BMP7: variants seen among roughly 807,000 people sequenced by gnomAD.
BMP7 encodes the protein osteogenic protein 1.
BMP7 carries 12 observed loss-of-function variants against 41.2 expected under a neutral mutation model. That is an observed-to-expected ratio of 0.29 (90% confidence interval 0.19 to 0.47). BMP7 has a LOEUF of 0.47. BMP7 is among the 20% of genes least tolerant of loss of function. The pLI is 0.99. For missense variants in BMP7, 467 were observed against 606.0 expected, an observed-to-expected ratio of 0.77 and a Z score of 2.41; for synonymous variants, 248 against 250.0, an observed-to-expected ratio of 0.99 and a Z score of 0.07.
rs1466667721 is a variant in BMP7 at position 57,174,901 on chromosome 20, C to T, written c.1035+30G>A. On this transcript the variant is annotated intron_variant, in intron 5 of 6. Coordinates refer to ENST00000395863, the MANE Select transcript of BMP7 (RefSeq NM_001719.3). This position sits in a 1 kb window ranked among gnomAD's most constrained non-coding sequence, Gnocchi z 4.3. ...GTGGGAGCCCACGCCAGAGGGCCCA[C>T]ACCCAAGACAGACCCAGCCAGCCCC... 6.2e-7 allele frequency: 1 copy of T among 1,603,180 alleles called. No individual in the cohort carries two copies. Among genetic ancestry groups the T allele is most frequent in the South Asian group, 1.1e-5 (1 of 89,986 alleles).
In BMP7 at chr20:57,228,816, A is replaced by G. The variant is rs957315223; in HGVS notation, c.419-395T>C. Among the ~76,000 whole-genome samples, 1 of 152,228 alleles carries G rather than the reference A, an allele frequency of 6.6e-6. No individual in the cohort carries two copies. Among genetic ancestry groups the G allele is most frequent in the Non-Finnish European group, 1.5e-5 (1 of 68,034 alleles). On this transcript the variant is annotated intron_variant, in intron 1 of 6. Transcript: ENST00000395863. The surrounding 1 kb of genome is among the most constrained non-coding windows in gnomAD (Gnocchi z 4.5). The stretch of plus-strand genomic sequence containing the variant: ...GAAAACCTCTATGGAACCCAATTTC[A>G]TCATCTAAAAAATGGGGATTGTAAT...
At chr20:57,231,758 C>T (rs967912493) in intron 1 of BMP7, among the ~76,000 whole-genome samples, 1 of 152,210 alleles carries the variant, frequency 6.6e-6, no homozygotes, top group Non-Finnish European at 1.5e-5. Context: ...AGTGGCTCCC[C>T]GCAAACCTCA....
Position 57,254,017 on chromosome 20 carries a change from C to CTTTTTTTTT in BMP7, c.418+11679_418+11687dup, listed in dbSNP as rs35180643. 2.7e-4 allele frequency among the ~76,000 whole-genome samples: 19 copies of CTTTTTTTTT among 71,536 alleles called. 2 individuals carry two copies. Among genetic ancestry groups the CTTTTTTTTT allele is most frequent in the African/African-American group, 7.5e-4 (12 of 16,082 alleles). The allele number at this position is 71,536 out of a possible 152,430, so 46.9% of individuals were successfully genotyped here. A position where few individuals can be genotyped will look rare whatever the true frequency, so the allele number is the denominator to read the frequency against. On this transcript the variant is annotated intron_variant, in intron 1 of 6. Coordinates refer to ENST00000395863, the MANE Select transcript of BMP7 (RefSeq NM_001719.3). Reference sequence around the variant, plus strand: ...ATTGTATTTTCTTTTGGTTTCTTTCCTTTTTTTTTTTTTTTTTTTTTTTTT... The same window carrying CTTTTTTTTT: ...ATTGTATTTTCTTTTGGTTTCTTTCCTTTTTTTTTTTTTTTTTTTTTTTTTTTTTTTTTT...
intron 2 of BMP7, among the ~76,000 whole-genome samples, chr20:57,212,619 C>T (rs896446535): frequency 2.0e-5 from 3 of 152,258 alleles, no homozygotes; most frequent in African/African-American, 4.8e-5. Flanking sequence ...GAGAGCGAGC[C>T]AGCGAGCATG....
intron 3 of BMP7, among the ~76,000 whole-genome samples, chr20:57,186,282 G>A (rs1480246979): frequency 6.6e-6 from 1 of 152,192 alleles, no homozygotes; most frequent in Non-Finnish European, 1.5e-5. Flanking sequence ...AGACGCTTGG[G>A]CAGGAAGAAT....
chr20:57,259,206 C>T lies in BMP7; in HGVS notation c.418+6499G>A, dbSNP rs1015768501. On this transcript the variant is annotated intron_variant, in intron 1 of 6. Coordinates refer to ENST00000395863, the MANE Select transcript of BMP7 (RefSeq NM_001719.3). The surrounding 1 kb of genome is among the most constrained non-coding windows in gnomAD (Gnocchi z 4.7). ...AACTTCCGTTACACGGCAGTGAAGC[C>T]CCCAATCCCCCACCCCATATATCAC... 1.3e-5 allele frequency among the ~76,000 whole-genome samples: 2 copies of T among 152,118 alleles called. No individual in the cohort carries two copies. The highest frequency in any genetic ancestry group is 1.9e-4 in the East Asian group (1 of 5,190).
chr20:57,244,700 G>A (rs1468067952), intron 1 of BMP7, among the ~76,000 whole-genome samples: 2 of 152,216 alleles, frequency 1.3e-5, no homozygotes, highest in East Asian at 3.9e-4. Flanking sequence ...CCACCAGGGA[G>A]GGCAGCAGAG....
intron 4 of BMP7, among the ~76,000 whole-genome samples, chr20:57,177,118 G>T (rs191760332): frequency 6.6e-6 from 1 of 152,170 alleles, no homozygotes; most frequent in Non-Finnish European, 1.5e-5. Flanking sequence ...CCTTCAGTGT[G>T]CCTTAGCTAC....
intron 1 of BMP7, among the ~76,000 whole-genome samples, chr20:57,234,908 C>T (rs568180013): frequency 1.3e-5 from 2 of 152,382 alleles, no homozygotes; most frequent in African/African-American, 4.8e-5. Flanking sequence ...AACGTACACA[C>T]AGTAAGGCAC....
chr20:57,215,383 T>C lies in BMP7; in HGVS notation c.612-12760A>G, dbSNP rs1984988525. 1 of 152,290 alleles carries C rather than the reference T, an allele frequency of 6.6e-6. No homozygotes were observed. The highest frequency in any genetic ancestry group is 1.5e-5 in the Non-Finnish European group (1 of 68,076). 9.4% of individuals were successfully genotyped at this position (152,290 alleles called of 1,614,324 possible). The stretch of plus-strand genomic sequence containing the variant: ...ACTCAGGTGGGCAGAAAGCAACAGC[T>C]GGGAAGAAAGCACATCTCACATTTC... On this transcript the variant is annotated intron_variant, in intron 2 of 6. Coordinates refer to ENST00000395863, the MANE Select transcript of BMP7 (RefSeq NM_001719.3). This position sits in a 1 kb window ranked among gnomAD's most constrained non-coding sequence, Gnocchi z 4.2.
In BMP7 at chr20:57,168,849, T is replaced by C. The variant is rs12438; in HGVS notation, c.*2110A>G. On this transcript the variant is annotated 3_prime_UTR_variant, in exon 7 of 7. Transcript: ENST00000395863. ...ACTAAGGACTGCTCGACGCAACAGC[T>C]GTGAGTACATTGGTCCAACCATTAA... 65,818 of 151,664 alleles carry C rather than the reference T, an allele frequency of 0.43. 15,299 individuals carry two copies. Among genetic ancestry groups the C allele is most frequent in the East Asian group, 0.68 (3,532 of 5,160 alleles). The allele number at this position is 151,664 out of a possible 1,614,324, so 9.4% of individuals were successfully genotyped here.
In BMP7 at chr20:57,170,486, T is replaced by A. The variant is rs1983789965; in HGVS notation, c.*473A>T. ...TGTTTAGGAAAATATATCTGTAACG[T>A]CCTAACCATTTTCATTCATTCGTTT... On this transcript the variant is annotated 3_prime_UTR_variant, in exon 7 of 7. Transcript: ENST00000395863. 1 of 267,960 alleles carries A rather than the reference T, an allele frequency of 3.7e-6. No homozygotes were observed. The allele number at this position is 267,960 out of a possible 1,614,324, so 16.6% of individuals were successfully genotyped here. A position where few individuals can be genotyped will look rare whatever the true frequency, so the allele number is the denominator to read the frequency against.
chr20:57,185,409 G>C (rs1327183284), intron 3 of BMP7, among the ~76,000 whole-genome samples: 2 of 152,142 alleles, frequency 1.3e-5, no homozygotes, highest in East Asian at 3.9e-4. Context: ...TTTGGGAAGG[G>C]ATTATAAAAG....
At chr20:57,190,574 G>T (rs1427771827) in intron 3 of BMP7, among the ~76,000 whole-genome samples, 1 of 152,032 alleles carries the variant, frequency 6.6e-6, no homozygotes, top group African/African-American at 2.4e-5. Flanking sequence ...ATTTGGGCAG[G>T]GGGCGACGTG....
At chr20:57,226,172 C>G (rs1479456853) in intron 2 of BMP7, among the ~76,000 whole-genome samples, 1 of 152,252 alleles carries the variant, frequency 6.6e-6, no homozygotes, top group African/African-American at 2.4e-5. Context: ...TCAGGCAAGA[C>G]AGCAGAGGCA....
At chr20:57,187,891 G>A (rs6123674) in intron 3 of BMP7, among the ~76,000 whole-genome samples, 74,039 of 152,054 alleles carry the variant, frequency 0.49, 20,699 homozygotes, top group East Asian at 0.87. Context: ...TGGAACAGGT[G>A]CTCTGAGGAC....
chr20:57,219,773 C>T (rs1189601121), intron 2 of BMP7, among the ~76,000 whole-genome samples: 1 of 152,140 alleles, frequency 6.6e-6, no homozygotes, highest in Non-Finnish European at 1.5e-5. Context: ...TGCGCAGCAC[C>T]GCTCCCTCAC....
chr20:57,183,873 C>G lies in BMP7; in HGVS notation c.807G>C (p.Gly269=). Residue 269 remains glycine, a synonymous_variant, in exon 4 of 7, where the codon GGG becomes GGC. Coordinates refer to ENST00000395863, the MANE Select transcript of BMP7 (RefSeq NM_001719.3). ...CCATGAAGGGCTGCTTGTTCTGGGG[C>G]CCGTGCCGCCCAATCAGGCCCGCCA... ...PKLAGLIGRH[G]PQNKQPFMVA... 1 of 1,614,126 alleles carries G rather than the reference C, an allele frequency of 6.2e-7. No individual in the cohort carries two copies.
chr20:57,179,272 C>A (rs897952673), intron 4 of BMP7, among the ~76,000 whole-genome samples: 1 of 152,244 alleles, frequency 6.6e-6, no homozygotes, highest in Non-Finnish European at 1.5e-5. Flanking sequence ...GCCTGCCCCA[C>A]CCGCCCCCAA....
Sources: allele counts gnomAD v4.1 joint callset (sites outside exome capture counted in the v4.1 genomes callset), GRCh38; gene constraint gnomAD v4.1.1; non-coding constraint Gnocchi (gnomAD v3.1); transcripts MANE v1.5; gene names NCBI Gene and HGNC (gene_info 2026-07-23, HGNC 2026-07-21).